Variants in ACBD6 observed in about 807,000 individuals in gnomAD.
ACBD6 encodes acyl-CoA binding domain containing 6.
Under a neutral mutation model 37.2 loss-of-function variants are expected in ACBD6, and 28 were observed. The ratio of observed to expected loss-of-function variants is 0.75; its 90% confidence interval spans 0.56 to 1.03. The LOEUF (loss-of-function observed/expected upper bound fraction) is 1.03. Among genes scored for constraint, ACBD6 ranks in the 50% least tolerant of loss-of-function variants. The pLI, the probability that ACBD6 is intolerant of heterozygous loss-of-function variation, is 0.00. For synonymous variants in ACBD6, 113 were observed against 126.8 expected (o/e 0.89, Z 0.73); for missense variants, 340 against 337.4 (o/e 1.01, Z -0.06).
At chr1:180,325,294 G>A (rs1001317304) in intron 6 of ACBD6, among the ~76,000 whole-genome samples, 1 of 151,974 alleles carries the variant, frequency 6.6e-6, no homozygotes, top group African/African-American at 2.4e-5. Flanking sequence ...TGTTTCCTCT[G>A]TGTATTTTTA....
chr1:180,492,095 C>G (rs1651527629), intron 3 of ACBD6, among the ~76,000 whole-genome samples, 174 bp downstream of exon 3: 1 of 152,132 alleles, frequency 6.6e-6, no homozygotes, highest in African/African-American at 2.4e-5. Context: ...AGGTATGAGC[C>G]ACCACACCTG....
rs77573948 is a variant in ACBD6, at chr1:180,307,447, C to T, written c.694+7245G>A. 1.9e-3 allele frequency among the ~76,000 whole-genome samples: 283 copies of T among 152,202 alleles called. 2 individuals carry two copies. Among genetic ancestry groups the T allele is most frequent in the African/African-American group, 6.7e-3 (278 of 41,544 alleles). ...AAGAATAAGACCCAGTATTTGACAG[C>T]ACAACAGGATGATTATAGTCAATAA... On this transcript the variant is annotated intron_variant, in intron 7 of 7. Transcript: ENST00000367595.
intron 7 of ACBD6, among the ~76,000 whole-genome samples, chr1:180,295,393 A>T (rs546488522): frequency 6.6e-6 from 1 of 151,970 alleles, no homozygotes; most frequent in Non-Finnish European, 1.5e-5. Context: ...CTCCTGCCTC[A>T]GCCTCCCAAG....
At position 180,500,339 on chromosome 1, in the gene ACBD6, CTT is replaced by C. The variant is rs560662645; in HGVS notation, c.222+1704_222+1705del. On this transcript the variant is annotated intron_variant, in intron 1 of 7. Transcript: ENST00000367595. ...AATTTTCCTGAACTGTTATTTAACT[CTT>C]GTCAGCAATTTTTCAGGTATGTTCA... Among the ~76,000 whole-genome samples the C allele has an allele frequency of 3.6e-3, 552 of 152,212 alleles. 4 individuals carry two copies. The highest frequency in any genetic ancestry group is 0.013 in the African/African-American group (523 of 41,528).
At chr1:180,297,045 A>G (rs1022091270) in intron 7 of ACBD6, among the ~76,000 whole-genome samples, 2 of 152,098 alleles carry the variant, frequency 1.3e-5, no homozygotes, top group African/African-American at 4.8e-5. Flanking sequence ...AGTTTTCTAC[A>G]TCTTAATAGT....
chr1:180,335,384 A>G (rs1571375165), intron 6 of ACBD6, among the ~76,000 whole-genome samples: 1 of 152,168 alleles, frequency 6.6e-6, no homozygotes, highest in South Asian at 2.1e-4. Context: ...AGAATTTTCA[A>G]CCCAGAATTT....
intron 7 of ACBD6, among the ~76,000 whole-genome samples, chr1:180,307,855 T>G (rs561735862): frequency 6.6e-6 from 1 of 152,098 alleles, no homozygotes; most frequent in Non-Finnish European, 1.5e-5. Flanking sequence ...TTCTGGAGGG[T>G]GAGGCAGGAG....
intron 3 of ACBD6, among the ~76,000 whole-genome samples, chr1:180,444,929 A>T (rs141007783): frequency 2.6e-5 from 4 of 152,292 alleles, no homozygotes; most frequent in African/African-American, 9.6e-5. Context: ...TTCTATTCCT[A>T]AGATTATCAA....
intron 3 of ACBD6, among the ~76,000 whole-genome samples, chr1:180,444,833 G>A (rs1649417875): frequency 6.6e-6 from 1 of 152,174 alleles, no homozygotes; most frequent in South Asian, 2.1e-4. Flanking sequence ...GAAAGGATAA[G>A]TTGTTGGCTA....
chr1:180,376,184 T>C, intron 6 of ACBD6, among the ~76,000 whole-genome samples: 1 of 152,188 alleles, frequency 6.6e-6, no homozygotes, highest in East Asian at 1.9e-4. Context: ...GCACAATCTA[T>C]TGAAAAAGCT....
At chr1:180,349,031 C>A (rs1284383676) in intron 6 of ACBD6, among the ~76,000 whole-genome samples, 1 of 150,686 alleles carries the variant, frequency 6.6e-6, no homozygotes, top group Non-Finnish European at 1.5e-5. Context: ...GGCGAAGGGG[C>A]AATTTTTTCC....
At chr1:180,453,074 G>A (rs951820041) in intron 3 of ACBD6, among the ~76,000 whole-genome samples, 1 of 152,212 alleles carries the variant, frequency 6.6e-6, no homozygotes, top group Non-Finnish European at 1.5e-5. Context: ...TATGAGGCCA[G>A]CATCAACCTG....
intron 5 of ACBD6, among the ~76,000 whole-genome samples, chr1:180,406,560 A>C (rs1647635867): frequency 6.6e-6 from 1 of 152,152 alleles, no homozygotes; most frequent in Admixed American, 6.5e-5. Flanking sequence ...CAATACTTAG[A>C]TCCAAATGTA....
chr1:180,462,163 G>C (rs1159478151), intron 3 of ACBD6, among the ~76,000 whole-genome samples: 1 of 152,158 alleles, frequency 6.6e-6, no homozygotes, highest in Non-Finnish European at 1.5e-5. Context: ...CTTGAACTCG[G>C]GAAGCAGAGG....
At chr1:180,395,412 A>G (rs1026616932) in intron 6 of ACBD6, among the ~76,000 whole-genome samples, 1 of 152,200 alleles carries the variant, frequency 6.6e-6, no homozygotes, top group Non-Finnish European at 1.5e-5. Flanking sequence ...AAGATTTGGT[A>G]GTCAAATTTA....
rs999494582 is a variant in ACBD6, at chr1:180,328,504, T to C, written c.664-13782A>G. Among the ~76,000 whole-genome samples the C allele has an allele frequency of 1.8e-4, 27 of 151,966 alleles. 1 individual carries two copies. The highest frequency in any genetic ancestry group is 3.5e-4 in the Non-Finnish European group (24 of 67,946). ...TCTCTACTAATGTCAGCTCTAAAGA[T>C]ACAAGAGTAATAACAAAGCTGCATA... On this transcript the variant is annotated intron_variant, in intron 6 of 7. Coordinates refer to ENST00000367595, the MANE Select transcript of ACBD6 (RefSeq NM_032360.4).
chr1:180,456,559 G>A (rs955344740), intron 3 of ACBD6, among the ~76,000 whole-genome samples: 13 of 152,102 alleles, frequency 8.5e-5, no homozygotes, highest in Non-Finnish European at 1.5e-5. Context: ...AAGTGTAAAC[G>A]TGATAGTTAT....
intron 6 of ACBD6, among the ~76,000 whole-genome samples, chr1:180,351,567 C>T (rs892371224): frequency 1.4e-5 from 2 of 147,026 alleles, no homozygotes; most frequent in African/African-American, 2.5e-5. Context: ...GTCACTGTGC[C>T]TGGCCCGATA....
chr1:180,274,552 C>T (rs200889836), intron 10 of ACBD6: 73 of 1,590,604 alleles, frequency 4.6e-5, no homozygotes, highest in Non-Finnish European at 5.0e-5. Flanking sequence ...GCTCTTGGCT[C>T]GATGAAATGG....
Sources: allele counts gnomAD v4.1 joint callset (sites outside exome capture counted in the v4.1 genomes callset), GRCh38; gene constraint gnomAD v4.1.1; transcripts MANE v1.5; gene names NCBI Gene and HGNC (gene_info 2026-07-23, HGNC 2026-07-21).